Variants in C15orf39 observed in about 807,000 individuals in gnomAD.
C15orf39 encodes PRMT2 interacting protein.
In C15orf39, 24 loss-of-function variants were observed where a neutral mutation model predicts 53.9. The ratio of observed to expected loss-of-function variants is 0.45; its 90% CI spans 0.32 to 0.63. The LOEUF (loss-of-function observed/expected upper bound fraction) is 0.63. Among genes scored for constraint, C15orf39 ranks in the 20% least tolerant of loss-of-function variants. The pLI is 0.04. For synonymous variants in C15orf39, 569 were observed against 576.5 expected, an observed-to-expected ratio of 0.99 and a Z score of 0.19; for missense variants, 1,271 against 1,347.9, an observed-to-expected ratio of 0.94 and a Z score of 0.89.
chr15:75,209,570 A>G (rs556540103), intron 2 of C15orf39: 1 of 152,248 alleles, frequency 6.6e-6, no homozygotes, highest in South Asian at 2.1e-4. Context: ...GGACCACACA[A>G]CTGCCGAAGT....
chr15:75,210,923 C>T lies in C15orf39; in HGVS notation c.2951C>T (p.Ser984Phe). 1 of 1,613,500 alleles carries T rather than the reference C, an allele frequency of 6.2e-7. No homozygotes were observed. Among genetic ancestry groups the T allele is most frequent in the Non-Finnish European group, 8.5e-7 (1 of 1,179,978 alleles). Residue 984 changes from serine to phenylalanine, a missense_variant, in exon 3 of 3, where the codon TCC becomes TTC. Around this residue, in one of 2 missense-constraint regions of C15orf39, gnomAD observed 277 missense variants for 354.1 expected, o/e 0.78. Transcript: ENST00000394987. ...EKAEAAAGEESCGASPTPATS... is the reference protein window; with the variant it reads ...EKAEAAAGEEFCGASPTPATS... ...GCAGAGGCAGCTGCTGGGGAAGAGTCCTGTGGTGCCTCCCCTACCCCTGCT... is the reference window on the plus strand; with the variant it reads ...GCAGAGGCAGCTGCTGGGGAAGAGTTCTGTGGTGCCTCCCCTACCCCTGCT...
At position 75,211,345 on chromosome 15, in the gene C15orf39, A is replaced by G; in HGVS notation, c.*229A>G. 2.0e-6 allele frequency: 1 copy of G among 500,696 alleles called. No homozygotes were observed. The highest frequency in any genetic ancestry group is 3.9e-5 in the Admixed American group (1 of 25,552). 31.0% of individuals were successfully genotyped at this position (500,696 alleles called of 1,614,324 possible). On this transcript the variant is annotated 3_prime_UTR_variant, in exon 3 of 3. Coordinates refer to ENST00000394987, the MANE Select transcript of C15orf39 (RefSeq NM_015492.5). Reference sequence around the variant, plus strand: ...CCTATTTCTTGCCTAGAGAACACACATGGGCTTTGGAGCCCGACAGACCTG... The same window carrying G: ...CCTATTTCTTGCCTAGAGAACACACGTGGGCTTTGGAGCCCGACAGACCTG...
Position 75,207,823 on chromosome 15 carries a change from G to A in C15orf39, c.1775G>A (p.Arg592His), listed in dbSNP as rs144091400. Residue 592 changes from arginine (R) to histidine (H), a missense_variant, in exon 2 of 3, where the codon CGT (arginine) becomes CAT (histidine). Arg to His is a conservative substitution (Grantham distance 29). Around this residue, in one of 2 missense-constraint regions of C15orf39, gnomAD observed 994 missense variants for 993.7 expected, o/e 1.00. Transcript: ENST00000394987. ...TAEASPVKAS[R>H]SVEHAKPTAA... Reference sequence around the variant, plus strand: ...GAGGCCTCCCCTGTCAAGGCTTCCCGTTCTGTGGAGCATGCCAAGCCTACT... The same window carrying A: ...GAGGCCTCCCCTGTCAAGGCTTCCCATTCTGTGGAGCATGCCAAGCCTACT... 4.9e-3 allele frequency: 7,872 copies of A among 1,612,366 alleles called. 26 individuals are homozygous for A. The highest frequency in any genetic ancestry group is 5.9e-3 in the Non-Finnish European group (6,981 of 1,179,418).
rs1156530543 is a variant in C15orf39, at chr15:75,211,721, G to T, written c.*605G>T. 6.6e-6 allele frequency: 1 copy of T among 152,186 alleles called. No individual in the cohort carries two copies. The highest frequency in any genetic ancestry group is 1.5e-5 in the Non-Finnish European group (1 of 68,050). 9.4% of individuals were successfully genotyped at this position (152,186 alleles called of 1,614,324 possible). On this transcript the variant is annotated 3_prime_UTR_variant, in exon 3 of 3. Coordinates refer to ENST00000394987, the MANE Select transcript of C15orf39 (RefSeq NM_015492.5). ...CTCCAGCCTGGAGCTCCCTGAGGGA[G>T]CCTGCACTCCCTGCTCCCAATCCCC...
chr15:75,209,135 G>C, intron 2 of C15orf39: 1 of 382,304 alleles, frequency 2.6e-6, no homozygotes, highest in Non-Finnish European at 4.8e-6. Flanking sequence ...CATCTTTGGT[G>C]CAGTGTTTCC....
rs771386747 is a variant in C15orf39, at chr15:75,207,446, C to G, written c.1398C>G (p.Asp466Glu). The change falls in exon 2 of 3, where the codon GAC becomes GAG. Residue 466 changes from aspartate (D) to glutamate (E), a missense_variant. Physicochemically the swap from Asp to Glu is conservative, Grantham distance 45. Around this residue, in one of 2 missense-constraint regions of C15orf39, gnomAD observed 994 missense variants for 993.7 expected, o/e 1.00. Coordinates refer to ENST00000394987, the MANE Select transcript of C15orf39 (RefSeq NM_015492.5). ...EHSGPPIVIRDSPVPCTPPAL... is the reference protein window; with the variant it reads ...EHSGPPIVIRESPVPCTPPAL... Reference sequence around the variant, plus strand: ...CTGGGCCGCCCATCGTCATCCGAGACAGTCCAGTTCCCTGTACCCCCCCAG... The same window carrying G: ...CTGGGCCGCCCATCGTCATCCGAGAGAGTCCAGTTCCCTGTACCCCCCCAG... The G allele has an allele frequency of 2.5e-5, 41 of 1,613,694 alleles. No homozygotes were observed. The highest frequency in any genetic ancestry group is 3.5e-5 in the Non-Finnish European group (41 of 1,180,024).
chr15:75,208,569 G>A lies in C15orf39; in HGVS notation c.2521G>A (p.Ala841Thr), dbSNP rs1418852708. ...CPFPHVVRAG[A>T]IFVPIHLVKE... ...CTTCCCCCATGTGGTGCGAGCTGGC[G>A]CCATCTTCGTGCCCATTCACCTGGT... The change falls in exon 2 of 3, where the codon GCC becomes ACC. Residue 841 changes from alanine (A) to threonine (T), a missense_variant. Coordinates refer to ENST00000394987, the MANE Select transcript of C15orf39 (RefSeq NM_015492.5). The A allele has an allele frequency of 1.9e-6, 3 of 1,573,524 alleles. No individual in the cohort carries two copies. The highest frequency in any genetic ancestry group is 1.2e-5 in the South Asian group (1 of 86,698).
Position 75,208,051 on chromosome 15 carries a change from C to T in C15orf39, c.2003C>T (p.Pro668Leu), listed in dbSNP as rs201514875. The T allele has an allele frequency of 1.9e-6, 3 of 1,613,968 alleles. No individual in the cohort carries two copies. The highest frequency in any genetic ancestry group is 2.2e-5 in the East Asian group (1 of 44,904). Reference protein sequence around the residue: ...RPAPLPAAVVPSTPTSAPAPT... With the variant: ...RPAPLPAAVVLSTPTSAPAPT... ...GCACCTTTGCCTGCAGCCGTGGTCC[C>T]GTCCACGCCCACCTCAGCTCCTGCT... is the stretch of plus-strand genomic sequence containing the variant. Residue 668 changes from proline (P) to leucine (L), a missense_variant, in exon 2 of 3, where the codon CCG (proline) becomes CTG (leucine). By Grantham distance (98) the Pro-to-Leu change is moderately conservative (BLOSUM62 -3). Transcript: ENST00000394987.
rs554516746 is a variant in C15orf39, at chr15:75,207,843, C to T, written c.1795C>T (p.Pro599Ser). The change falls in exon 2 of 3, where the codon CCT becomes TCT. Residue 599 changes from proline to serine, a missense_variant. By Grantham distance (74) the Pro-to-Ser change is moderately conservative (BLOSUM62 -1). This residue lies in a region of C15orf39 where 994 missense variants were observed against 993.7 expected (regional missense o/e 1.00). Coordinates refer to ENST00000394987, the MANE Select transcript of C15orf39 (RefSeq NM_015492.5). ...KASRSVEHAK[P>S]TAAMDVPDVG... ...TTCCCGTTCTGTGGAGCATGCCAAG[C>T]CTACTGCAGCCATGGATGTGCCAGA... is the stretch of plus-strand genomic sequence containing the variant. 1.2e-5 allele frequency: 19 copies of T among 1,613,268 alleles called. No individual in the cohort carries two copies. In the East Asian group the frequency reaches 3.6e-4, roughly 30 times the overall value.
chr15:75,209,017 T>C, intron 2 of C15orf39, 193 bp downstream of exon 2: 1 of 950,622 alleles, frequency 1.1e-6, no homozygotes, highest in Non-Finnish European at 1.5e-6. Context: ...TCATAGCCTC[T>C]TTTGTAGGCT....
chr15:75,210,977 T>C lies in C15orf39; in HGVS notation c.3005T>C (p.Leu1002Pro). ...ATSASPPGPTLKARFRSLLET... is the reference protein window; with the variant it reads ...ATSASPPGPTPKARFRSLLET... ...AGTGCCAGCCCACCTGGCCCCACAC[T>C]GAAGGCCCGCTTCCGCAGTCTGCTG... The change falls in exon 3 of 3, where the codon CTG becomes CCG. Residue 1002 changes from leucine (L) to proline (P), a missense_variant. Transcript: ENST00000394987. 6.2e-7 allele frequency: 1 copy of C among 1,613,258 alleles called. No individual in the cohort carries two copies. The highest frequency in any genetic ancestry group is 1.1e-5 in the South Asian group (1 of 91,080).
rs1466663 is a variant in C15orf39, at chr15:75,206,207, A to C, written c.159A>C (p.Ala53=). ...GGTCCTACTTCTCCTGCCCCATGGC[A>C]GGTACTCCTAAGGCCGAGTCTGAGC... ...YKGSYFSCPM[A]GTPKAESEQL... Residue 53 remains alanine (A), a synonymous_variant, in exon 2 of 3, where the codon GCA becomes GCC. Coordinates refer to ENST00000394987, the MANE Select transcript of C15orf39 (RefSeq NM_015492.5). The C allele has an allele frequency of 1.2e-6, 2 of 1,613,996 alleles. No homozygotes were observed. Among genetic ancestry groups the C allele is most frequent in the Admixed American group, 3.3e-5 (2 of 59,994 alleles).
upstream of C15orf39, among the ~76,000 whole-genome samples, chr15:75,200,666 C>A (rs867083398): frequency 6.6e-6 from 1 of 152,120 alleles, no homozygotes; most frequent in African/African-American, 2.4e-5. Context: ...GCAGGAAGGG[C>A]CCCAGGCTGG....
At chr15:75,203,028 T>G (rs1412066993) in intron 1 of C15orf39, among the ~76,000 whole-genome samples, 3 of 152,160 alleles carry the variant, frequency 2.0e-5, no homozygotes, top group Non-Finnish European at 4.4e-5. Context: ...TGCCCCAGGT[T>G]GGGTTGTAGC....
upstream of C15orf39, among the ~76,000 whole-genome samples, chr15:75,201,587 A>C (rs1205458880): frequency 6.6e-6 from 1 of 152,264 alleles, no homozygotes; most frequent in Non-Finnish European, 1.5e-5. The surrounding 1 kb of genome is among the most constrained non-coding windows in gnomAD (Gnocchi z 4.7). Flanking sequence ...ACTGAAGCTC[A>C]GCGAGGTCAA....
At position 75,207,367 on chromosome 15, in the gene C15orf39, C is replaced by T; in HGVS notation, c.1319C>T (p.Thr440Ile). The T allele has an allele frequency of 1.2e-6, 2 of 1,613,420 alleles. No homozygotes were observed. The highest frequency in any genetic ancestry group is 1.7e-6 in the Non-Finnish European group (2 of 1,180,024). The part of the protein sequence containing the change: ...VRPAQEAEEK[T>I]WLPSCRKEKL... ...CCTGCACAGGAAGCCGAAGAGAAGA[C>T]CTGGCTGCCCAGCTGCAGGAAAGAG... The change falls in exon 2 of 3, where the codon ACC becomes ATC. Residue 440 changes from threonine (T) to isoleucine (I), a missense_variant. By Grantham distance (89) the Thr-to-Ile change is moderately conservative. Around this residue, in one of 2 missense-constraint regions of C15orf39, gnomAD observed 994 missense variants for 993.7 expected, o/e 1.00. Coordinates refer to ENST00000394987, the MANE Select transcript of C15orf39 (RefSeq NM_015492.5).
intron 1 of C15orf39, 107 bp downstream of exon 1, chr15:75,202,166 C>T (rs1224264118): frequency 2.0e-5 from 3 of 152,090 alleles, no homozygotes; most frequent in Admixed American, 2.0e-4. Context: ...ACCGGCCGGC[C>T]CGGGGACTGA....
Position 75,206,485 on chromosome 15 carries a change from T to G in C15orf39, c.437T>G (p.Leu146Arg). Residue 146 changes from leucine (L) to arginine (R), a missense_variant, in exon 2 of 3, where the codon CTG becomes CGG. Around this residue, in one of 2 missense-constraint regions of C15orf39, gnomAD observed 994 missense variants for 993.7 expected, o/e 1.00. Coordinates refer to ENST00000394987, the MANE Select transcript of C15orf39 (RefSeq NM_015492.5). The stretch of plus-strand genomic sequence containing the variant: ...CTGTGCTATGGGCTCTCAACTTGTC[T>G]GGGGGAAGGAGCAGTGAAGAGGCCA... ...NPLCYGLSTC[L>R]GEGAVKRPLD... 6.2e-7 allele frequency: 1 copy of G among 1,614,034 alleles called. No homozygotes were observed. The highest frequency in any genetic ancestry group is 8.5e-7 in the Non-Finnish European group (1 of 1,179,960).
In C15orf39 at chr15:75,207,898, G is replaced by C. The variant is rs1209200190; in HGVS notation, c.1850G>C (p.Gly617Ala). ...DVGNMVSDLPGLKKIDTEAPG... is the reference protein window; with the variant it reads ...DVGNMVSDLPALKKIDTEAPG... The stretch of plus-strand genomic sequence containing the variant: ...GGCAACATGGTGTCAGATCTGCCAG[G>C]CCTGAAAAAGATAGACACAGAAGCA... Residue 617 changes from glycine (G) to alanine (A), a missense_variant, in exon 2 of 3, where the codon GGC (glycine) becomes GCC (alanine). Around this residue, in one of 2 missense-constraint regions of C15orf39, gnomAD observed 994 missense variants for 993.7 expected, o/e 1.00. Transcript: ENST00000394987. The C allele has an allele frequency of 4.3e-6, 7 of 1,613,550 alleles. No homozygotes were observed. Among genetic ancestry groups the C allele is most frequent in the Non-Finnish European group, 5.9e-6 (7 of 1,180,022 alleles).
Sources: gnomAD v4.1 joint callset for allele counts (sites outside exome capture counted in the v4.1 genomes callset) on GRCh38, gnomAD v4.1.1 for gene constraint, gnomAD v4.1.1 regional missense constraint, Gnocchi (gnomAD v3.1) non-coding constraint, MANE v1.5 for transcripts, NCBI Gene and HGNC (gene_info 2026-07-23, HGNC 2026-07-21) for gene names.